EIF2AK4: variants seen among roughly 807,000 people sequenced by gnomAD.
The protein encoded by EIF2AK4 is eukaryotic translation initiation factor 2 alpha kinase 4, also known as eIF-2-alpha kinase GCN2.
EIF2AK4 carries 139 observed loss-of-function variants against 211.1 expected under a neutral mutation model. The ratio of observed to expected loss-of-function variants is 0.66; its 90% CI spans 0.57 to 0.76. The LOEUF (loss-of-function observed/expected upper bound fraction) is 0.76. Ranked by LOEUF, EIF2AK4 falls within the 30% of genes least tolerant of loss-of-function variation. EIF2AK4 has a pLI of 0.00. For missense variants in EIF2AK4, 1,664 were observed against 2,043.8 expected (o/e 0.81, Z 3.58); for synonymous variants, 710 against 751.3 (o/e 0.94, Z 0.90).
At chr15:40,019,904 A>G (rs1485427344) in intron 30 of EIF2AK4, among the ~76,000 whole-genome samples, 1 of 152,194 alleles carries the variant, frequency 6.6e-6, no homozygotes, top group Non-Finnish European at 1.5e-5. Context: ...TCATGCCTAT[A>G]ATCCCAGCAC....
intron 16 of EIF2AK4, chr15:39,991,373 G>A (rs576609468): frequency 6.6e-6 from 1 of 152,408 alleles, no homozygotes; most frequent in East Asian, 1.9e-4. Flanking sequence ...GAAGGCTGTA[G>A]CATAGTGAGA....
At position 40,001,224 on chromosome 15, in the gene EIF2AK4, G is replaced by A. The variant is rs1085307442; in HGVS notation, c.3159G>A (p.Lys1053=). 4.3e-6 allele frequency: 7 copies of A among 1,612,784 alleles called. No homozygotes were observed. Among genetic ancestry groups the A allele is most frequent in the Non-Finnish European group, 5.9e-6 (7 of 1,179,858 alleles). Residue 1053 remains lysine (K), a splice_region_variant and synonymous_variant, in exon 21 of 39, where the codon AAG becomes AAA. Coordinates refer to ENST00000263791, the MANE Select transcript of EIF2AK4 (RefSeq NM_001013703.4). The stretch of plus-strand genomic sequence containing the variant: ...ACACCTATGACAGCGACATACTGAA[G>A]GTGGGCTTAAGCCACGCTGCACAAA... ...IDYTYDSDIL[K]GNFSIRTAKM... is the part of the protein sequence containing the mutation.
chr15:39,937,614 T>C (rs2034084706), intron 1 of EIF2AK4, among the ~76,000 whole-genome samples: 2 of 152,354 alleles, frequency 1.3e-5, no homozygotes, highest in South Asian at 4.1e-4. Flanking sequence ...TGGGTTTTTT[T>C]TCCCCCTCTG....
In EIF2AK4 at chr15:40,001,172, C is replaced by T. The variant is rs187775209; in HGVS notation, c.3107C>T (p.Ser1036Leu). 20 of 1,614,014 alleles carry T rather than the reference C, an allele frequency of 1.2e-5. No homozygotes were observed. Among genetic ancestry groups the T allele is most frequent in the Middle Eastern group, 1.7e-4 (1 of 5,998 alleles). Residue 1036 changes from serine (S) to leucine (L), a missense_variant, in exon 21 of 39, where the codon TCG becomes TTG. Coordinates refer to ENST00000263791, the MANE Select transcript of EIF2AK4 (RefSeq NM_001013703.4). ...CGCACCATGATGGCCCAGATCTTCT[C>T]GCAGCGCATCTCCCCTGCCATCGAT... is the stretch of plus-strand genomic sequence containing the variant. Reference protein sequence around the residue: ...AYRTMMAQIFSQRISPAIDYT... With the variant: ...AYRTMMAQIFLQRISPAIDYT...
intron 37 of EIF2AK4, among the ~76,000 whole-genome samples, chr15:40,034,029 A>C (rs2035579638): frequency 7.3e-6 from 1 of 136,994 alleles, no homozygotes; most frequent in South Asian, 2.3e-4. Context: ...ACTCCATCTC[A>C]AAAAAAAAAA....
At chr15:39,944,989 G>A (rs925813362) in intron 3 of EIF2AK4, among the ~76,000 whole-genome samples, 1 of 151,704 alleles carries the variant, frequency 6.6e-6, no homozygotes, top group Non-Finnish European at 1.5e-5. Context: ...GTGTAGAACG[G>A]CCTGGATAAA....
intron 21 of EIF2AK4, 87 bp downstream of exon 21, chr15:40,001,311 C>T: frequency 7.5e-7 from 1 of 1,333,956 alleles, no homozygotes; most frequent in Non-Finnish European, 1.1e-6. Context: ...TTTAATGCCT[C>T]TAACATAAGT....
At chr15:39,998,898 ACGTGGGG>A in intron 20 of EIF2AK4, 114 bp downstream of exon 20, 1 of 834,860 alleles carries the variant, frequency 1.2e-6, no homozygotes, top group Non-Finnish European at 1.8e-6. Context: ...CCTGGGAACA[ACGTGGGG>A]AAAAAATATG....
At chr15:39,965,095 G>A (rs1460443149) in intron 7 of EIF2AK4, among the ~76,000 whole-genome samples, 3 of 152,110 alleles carry the variant, frequency 2.0e-5, no homozygotes, top group African/African-American at 4.8e-5. Flanking sequence ...ATAACATTGT[G>A]CATAATGGCT....
chr15:39,960,772 A>G lies in EIF2AK4; in HGVS notation c.744-1012A>G, dbSNP rs968641514. 2.0e-5 allele frequency among the ~76,000 whole-genome samples: 3 copies of G among 152,176 alleles called. No individual in the cohort carries two copies. The East Asian group carries it at 5.8e-4, about 29-fold the overall frequency. On this transcript the variant is annotated intron_variant, in intron 6 of 38. Transcript: ENST00000263791. The stretch of plus-strand genomic sequence containing the variant: ...ATCCCAGAGGAGACCTTTGTAGGGG[A>G]TGGGACTGAGGACAGGGGTAGCCAT...
chr15:39,953,320 T>C (rs1197643868), intron 4 of EIF2AK4, among the ~76,000 whole-genome samples: 2 of 152,226 alleles, frequency 1.3e-5, no homozygotes, highest in African/African-American at 2.4e-5. Flanking sequence ...AATCTCTTAA[T>C]AGTTTTGATA....
At position 39,943,785 on chromosome 15, in the gene EIF2AK4, G is replaced by A. The variant is rs78457082; in HGVS notation, c.360+300G>A. Among the ~76,000 whole-genome samples the A allele has an allele frequency of 0.063, 9,627 of 151,706 alleles. 511 individuals are homozygous for A. The highest frequency in any genetic ancestry group is 0.3 in the East Asian group (1,566 of 5,140). On this transcript the variant is annotated intron_variant, in intron 3 of 38. Coordinates refer to ENST00000263791, the MANE Select transcript of EIF2AK4 (RefSeq NM_001013703.4). ...TTGAGACCAGCCTGAGCAAAATGGC[G>A]AGCACCTATCTCTAAAAAAATTAAC...
Position 40,016,626 on chromosome 15 carries a change from T to C in EIF2AK4, c.3884T>C (p.Leu1295Pro), listed in dbSNP as rs1595431276. Residue 1295 changes from leucine (L) to proline (P), a missense_variant, in exon 28 of 39, where the codon CTA becomes CCA. Leu to Pro is a moderately conservative substitution (Grantham distance 98). This residue lies in a region of EIF2AK4 where 622 missense variants were observed against 796.8 expected (regional missense o/e 0.78). Coordinates refer to ENST00000263791, the MANE Select transcript of EIF2AK4 (RefSeq NM_001013703.4). Reference protein sequence around the residue: ...AQLVKYGLKDLEEVVGLLKKL... With the variant: ...AQLVKYGLKDPEEVVGLLKKL... ...TTGGTGAAGTATGGCTTAAAAGACC[T>C]AGAGGAGGTTGTTGGACTGTTGAAG... The C allele has an allele frequency of 6.2e-7, 1 of 1,614,196 alleles. No individual in the cohort carries two copies. The highest frequency in any genetic ancestry group is 8.5e-7 in the Non-Finnish European group (1 of 1,180,024).
chr15:39,953,918 G>T lies in EIF2AK4; in HGVS notation c.528G>T (p.Leu176=). 6.2e-7 allele frequency: 1 copy of T among 1,611,906 alleles called. No homozygotes were observed. The highest frequency in any genetic ancestry group is 8.5e-7 in the Non-Finnish European group (1 of 1,179,654). ...ATTTATTTCAGCAACGTGAAATCCT[G>T]CATGAGATTCAGAGAAGGAAAGAAG... ...RKEEQEQREI[L]HEIQRRKEEI... Residue 176 remains leucine, a synonymous_variant, in exon 5 of 39, where the codon CTG becomes CTT. Coordinates refer to ENST00000263791, the MANE Select transcript of EIF2AK4 (RefSeq NM_001013703.4).
chr15:40,022,862 T>G (rs2035412091), intron 32 of EIF2AK4, among the ~76,000 whole-genome samples: 1 of 152,154 alleles, frequency 6.6e-6, no homozygotes, highest in African/African-American at 2.4e-5. Context: ...GCCTCCCCGG[T>G]AGCTGGGACT....
rs2035310860 is a variant in EIF2AK4 at position 40,017,014 on chromosome 15, T to A, written c.3931-94T>A. 4.0e-6 allele frequency: 6 copies of A among 1,483,454 alleles called. No homozygotes were observed. In the South Asian group the frequency reaches 7.2e-5, roughly 18 times the overall value. The allele number at this position is 1,483,454 out of a possible 1,614,324, so 91.9% of individuals were successfully genotyped here. ...TTTGTTTATGCTAAATAGATTGTTC[T>A]GATGCTATTGATGGGAAACACCATT... On this transcript the variant is annotated intron_variant, in intron 28 of 38. Transcript: ENST00000263791.
At chr15:40,008,675 C>A (rs2035195162) in intron 25 of EIF2AK4, among the ~76,000 whole-genome samples, 1 of 152,166 alleles carries the variant, frequency 6.6e-6, no homozygotes, top group Non-Finnish European at 1.5e-5. Flanking sequence ...TCTAGAAAGT[C>A]TTTGCCCAGC....
chr15:39,965,910 A>G (rs773453516), intron 8 of EIF2AK4, 67 bp downstream of exon 8: 15 of 1,580,182 alleles, frequency 9.5e-6, no homozygotes, highest in Non-Finnish European at 1.3e-5. Flanking sequence ...GACAGAACAA[A>G]ATAGCCCTGC....
chr15:40,024,915 C>T (rs1174795071), intron 32 of EIF2AK4, among the ~76,000 whole-genome samples: 1 of 151,906 alleles, frequency 6.6e-6, no homozygotes, highest in Non-Finnish European at 1.5e-5. Context: ...TTAGTAGAGA[C>T]GAGGTCTCTA....
Sources: allele counts gnomAD v4.1 joint callset (sites outside exome capture counted in the v4.1 genomes callset), GRCh38; gene constraint gnomAD v4.1.1; regional missense constraint gnomAD v4.1.1; transcripts MANE v1.5; gene names NCBI Gene and HGNC (gene_info 2026-07-23, HGNC 2026-07-21).